The following PCDHA5 variants were observed in gnomAD, a reference collection of about 807,000 sequenced individuals.
PCDHA5 encodes the protein protocadherin alpha 5.
In PCDHA5, 43 loss-of-function variants were observed where a neutral mutation model predicts 61.6. The observed-to-expected ratio is 0.70, with a 90% confidence interval of 0.55 to 0.90. The LOEUF is 0.90. PCDHA5 is among the 40% of genes least tolerant of loss of function. The pLI, the probability that PCDHA5 is intolerant of heterozygous loss-of-function variation, is 0.00. For synonymous variants in PCDHA5, 627 were observed against 543.9 expected, an observed-to-expected ratio of 1.15 and a Z score of -2.13; for missense variants, 1,298 against 1,222.7, an observed-to-expected ratio of 1.06 and a Z score of -0.92.
intron 1 of PCDHA5, chr5:140,836,418 T>G (rs1470820599): frequency 6.2e-7 from 1 of 1,613,726 alleles, no homozygotes; most frequent in Non-Finnish European, 8.5e-7. Context: ...ACCAAAGGCG[T>G]CGTCGCGGGC....
chr5:140,973,574 C>T (rs1485415780), intron 1 of PCDHA5, among the ~76,000 whole-genome samples: 1 of 152,218 alleles, frequency 6.6e-6, no homozygotes, highest in African/African-American at 2.4e-5. Flanking sequence ...AATTTTTCTA[C>T]AGACTGCTGA....
At chr5:140,857,932 C>T in intron 1 of PCDHA5, 1 of 1,597,630 alleles carries the variant, frequency 6.3e-7, no homozygotes, top group East Asian at 2.2e-5. Flanking sequence ...TGTACACGGG[C>T]GAGATCAGTA....
chr5:140,891,956 G>T (rs528674370), intron 1 of PCDHA5, among the ~76,000 whole-genome samples: 1 of 152,344 alleles, frequency 6.6e-6, no homozygotes, highest in South Asian at 2.1e-4. Flanking sequence ...CCAGAATTGT[G>T]AGAAGTAAAT....
intron 1 of PCDHA5, among the ~76,000 whole-genome samples, chr5:140,959,659 A>G (rs1020730964): frequency 6.6e-6 from 1 of 152,250 alleles, no homozygotes; most frequent in Non-Finnish European, 1.5e-5. Context: ...AAATTGAAGA[A>G]TTTGTAAATC....
At position 140,871,031 on chromosome 5, in the gene PCDHA5, G is replaced by A. The variant is rs543880939; in HGVS notation, c.2352+46904G>A. ...GCCCTGGACGAGGCAGACTCGCCGC[G>A]CCACCGACTTCTAGTACTGGTGAAG... is the stretch of plus-strand genomic sequence containing the variant. On this transcript the variant is annotated intron_variant, in intron 1 of 3. Coordinates refer to ENST00000529859, the MANE Select transcript of PCDHA5 (RefSeq NM_018908.3). 3.2e-5 allele frequency: 52 copies of A among 1,613,210 alleles called. 1 individual carries two copies. In the South Asian group the frequency reaches 4.7e-4, roughly 15 times the overall value.
chr5:140,931,247 C>G (rs782447233), intron 1 of PCDHA5, among the ~76,000 whole-genome samples: 4 of 152,032 alleles, frequency 2.6e-5, no homozygotes, highest in African/African-American at 4.8e-5. Flanking sequence ...CTTTTCCTAC[C>G]AAGAAATTTC....
intron 1 of PCDHA5, chr5:140,836,929 A>G (rs1244897487): frequency 4.0e-6 from 2 of 498,160 alleles, no homozygotes; most frequent in Non-Finnish European, 6.9e-6. Flanking sequence ...GGGATGCGTA[A>G]TACTATAGAT....
At chr5:140,903,614 T>C (rs1583498055) in intron 1 of PCDHA5, among the ~76,000 whole-genome samples, 1 of 152,204 alleles carries the variant, frequency 6.6e-6, no homozygotes, top group Non-Finnish European at 1.5e-5. Flanking sequence ...TACACATGAA[T>C]GTGCATGCAT....
At position 140,823,016 on chromosome 5, in the gene PCDHA5, G is replaced by T. The variant is rs1554129036; in HGVS notation, c.1241G>T (p.Arg414Leu). The T allele has an allele frequency of 6.2e-7, 1 of 1,614,216 alleles. No homozygotes were observed. The highest frequency in any genetic ancestry group is 8.5e-7 in the Non-Finnish European group (1 of 1,180,056). The change falls in exon 1 of 4, where the codon CGC becomes CTC. Residue 414 changes from arginine to leucine, a missense_variant. Arg to Leu is a moderately radical substitution (Grantham distance 102). Transcript: ENST00000529859. ...YSLVLDSALD[R>L]ESVSVYELVV... Reference sequence around the variant, plus strand: ...TTGGTGCTGGACAGCGCCCTGGACCGCGAGAGCGTGTCGGTCTATGAGCTG... The same window carrying T: ...TTGGTGCTGGACAGCGCCCTGGACCTCGAGAGCGTGTCGGTCTATGAGCTG...
chr5:140,905,231 A>G (rs2071692761), intron 1 of PCDHA5, among the ~76,000 whole-genome samples: 1 of 152,180 alleles, frequency 6.6e-6, no homozygotes, highest in African/African-American at 2.4e-5. Flanking sequence ...AGAGATGAGG[A>G]TCCAGTTTCA....
At chr5:140,884,428 G>C in intron 1 of PCDHA5, 1 of 1,613,962 alleles carries the variant, frequency 6.2e-7, no homozygotes, top group Non-Finnish European at 8.5e-7. Context: ...TGTATACTGC[G>C]CTGCGGTGCT....
At chr5:140,901,502 T>G (rs782679945) in intron 1 of PCDHA5, among the ~76,000 whole-genome samples, 1 of 152,182 alleles carries the variant, frequency 6.6e-6, no homozygotes, top group Non-Finnish European at 1.5e-5. Context: ...CGAAAATGAG[T>G]TCATTATAGA....
intron 3 of PCDHA5, among the ~76,000 whole-genome samples, chr5:140,994,024 A>G (rs1440214596): frequency 6.6e-6 from 1 of 152,234 alleles, no homozygotes; most frequent in East Asian, 1.9e-4. Context: ...TGATGCAGAT[A>G]TAATATTAAA....
intron 1 of PCDHA5, among the ~76,000 whole-genome samples, chr5:140,871,878 C>T (rs1390055446): frequency 6.6e-6 from 1 of 152,222 alleles, no homozygotes; most frequent in Non-Finnish European, 1.5e-5. Context: ...TTTAAATTTG[C>T]TCCTCTTTGT....
intron 1 of PCDHA5, chr5:140,842,313 C>T (rs2150333932): frequency 2.5e-6 from 4 of 1,607,028 alleles, no homozygotes; most frequent in East Asian, 2.2e-5. Flanking sequence ...CCTCCCATGG[C>T]GGGTCATTGC....
At chr5:140,842,230 G>A in intron 1 of PCDHA5, 1 of 1,612,910 alleles carries the variant, frequency 6.2e-7, no homozygotes, top group Non-Finnish European at 8.5e-7. Context: ...GAGAAATAGT[G>A]ATTCGGGGTA....
At chr5:140,942,667 CA>C (rs2153659637) in intron 1 of PCDHA5, among the ~76,000 whole-genome samples, 1 of 151,384 alleles carries the variant, frequency 6.6e-6, no homozygotes, top group South Asian at 2.1e-4. Flanking sequence ...GCAATAAGCA[CA>C]AAAGTTTTAG....
Position 140,857,884 on chromosome 5 carries a change from G to C in PCDHA5, c.2352+33757G>C, listed in dbSNP as rs782097827. 60 of 1,597,656 alleles carry C rather than the reference G, an allele frequency of 3.8e-5. 6 individuals carry two copies. Among genetic ancestry groups the C allele is most frequent in the Non-Finnish European group, 5.0e-5 (58 of 1,167,502 alleles). On this transcript the variant is annotated intron_variant, in intron 1 of 3. Transcript: ENST00000529859. ...CGTGGCTGTCGTATGAATTGCAGTC[G>C]GCGGCGGTTGGTGCACGCATCCCGT...
chr5:140,908,795 A>C (rs2074156138), intron 1 of PCDHA5, among the ~76,000 whole-genome samples: 1 of 152,202 alleles, frequency 6.6e-6, no homozygotes, highest in South Asian at 2.1e-4. Context: ...TCTGTACTAC[A>C]TTAAAAAGTG....
Sources: allele counts gnomAD v4.1 joint callset (sites outside exome capture counted in the v4.1 genomes callset), GRCh38; gene constraint gnomAD v4.1.1; transcripts MANE v1.5; gene names NCBI Gene and HGNC (gene_info 2026-07-23, HGNC 2026-07-21).